KIAA1328: variants seen among roughly 807,000 people sequenced by gnomAD.
KIAA1328 encodes protein hinderin.
In KIAA1328, 52 loss-of-function variants were observed where a neutral mutation model predicts 68.1. The observed-to-expected ratio is 0.76, with a 90% CI of 0.61 to 0.96. The LOEUF (loss-of-function observed/expected upper bound fraction) is 0.96, where lower values mean the gene tolerates loss of function less well. Ranked by LOEUF, KIAA1328 falls within the 40% of genes least tolerant of loss-of-function variation. The pLI, the probability that KIAA1328 is intolerant of heterozygous loss-of-function variation, is 0.00. For missense variants in KIAA1328, 641 were observed against 677.6 expected (o/e 0.95, Z 0.60); for synonymous variants, 232 against 239.4 (o/e 0.97, Z 0.28).
intron 6 of KIAA1328, among the ~76,000 whole-genome samples, chr18:37,009,416 A>T (rs2053896581): frequency 6.6e-6 from 1 of 152,090 alleles, no homozygotes; most frequent in African/African-American, 2.4e-5. Flanking sequence ...GAGGGAGTGG[A>T]TATAGCAGGC....
At chr18:36,864,548 A>AT (rs1170013858) in intron 4 of KIAA1328, among the ~76,000 whole-genome samples, 1 of 135,306 alleles carries the variant, frequency 7.4e-6, no homozygotes, top group Non-Finnish European at 1.6e-5. Context: ...GTAGGATTTG[A>AT]TTTTCTATTA....
At chr18:37,009,719 G>A (rs1223736863) in intron 6 of KIAA1328, among the ~76,000 whole-genome samples, 1 of 152,140 alleles carries the variant, frequency 6.6e-6, no homozygotes, top group Non-Finnish European at 1.5e-5. Flanking sequence ...TGGAGATTGA[G>A]CAACGATTTT....
At chr18:36,876,359 A>G (rs1187261044) in intron 4 of KIAA1328, among the ~76,000 whole-genome samples, 1 of 151,984 alleles carries the variant, frequency 6.6e-6, no homozygotes, top group Non-Finnish European at 1.5e-5. Context: ...AGGACTTGCT[A>G]TTGGTCTGTT....
chr18:36,890,171 C>T (rs575474830), intron 5 of KIAA1328, among the ~76,000 whole-genome samples: 16 of 151,482 alleles, frequency 1.1e-4, no homozygotes, highest in Admixed American at 7.9e-4. Flanking sequence ...ATTTTAGAAA[C>T]TTTGCTCTTC....
chr18:36,893,658 A>T (rs949303923), intron 5 of KIAA1328, among the ~76,000 whole-genome samples: 2 of 152,076 alleles, frequency 1.3e-5, no homozygotes, highest in Non-Finnish European at 2.9e-5. Context: ...AAGCTGTCAT[A>T]TGGATAATAA....
At chr18:37,019,867 C>T (rs567493314) in intron 6 of KIAA1328, among the ~76,000 whole-genome samples, 1 of 152,248 alleles carries the variant, frequency 6.6e-6, no homozygotes, top group East Asian at 1.9e-4. Context: ...GCTGCTGAAA[C>T]AGATGAGTGG....
intron 7 of KIAA1328, among the ~76,000 whole-genome samples, chr18:37,093,254 A>G (rs1162905496): frequency 6.6e-6 from 1 of 152,252 alleles, no homozygotes; most frequent in African/African-American, 2.4e-5. Context: ...GCAAGGTAAC[A>G]TAACATCTTC....
chr18:37,218,092 G>T (rs188853041), intron 9 of KIAA1328, among the ~76,000 whole-genome samples: 1 of 152,168 alleles, frequency 6.6e-6, no homozygotes, highest in Non-Finnish European at 1.5e-5. Flanking sequence ...CTCTACAGAA[G>T]TAAAAACATG....
intron 9 of KIAA1328, among the ~76,000 whole-genome samples, chr18:37,187,411 T>G (rs186649862): frequency 1.3e-5 from 2 of 152,176 alleles, no homozygotes. Flanking sequence ...GAGCCAATAA[T>G]TAGAGTGAAA....
intron 6 of KIAA1328, among the ~76,000 whole-genome samples, chr18:37,005,552 A>G (rs1215943707): frequency 1.3e-5 from 2 of 152,264 alleles, no homozygotes; most frequent in Non-Finnish European, 2.9e-5. Context: ...GTGATTCCTC[A>G]TAAAACTAAA....
chr18:36,889,636 A>G (rs1185536931), intron 5 of KIAA1328, among the ~76,000 whole-genome samples: 3 of 152,204 alleles, frequency 2.0e-5, no homozygotes, highest in Non-Finnish European at 4.4e-5. Flanking sequence ...TATAATATGT[A>G]GATAACTAAA....
chr18:37,160,571 C>T (rs539132053), intron 8 of KIAA1328, among the ~76,000 whole-genome samples, 190 bp downstream of exon 8: 2 of 152,270 alleles, frequency 1.3e-5, no homozygotes, highest in East Asian at 1.9e-4. Context: ...TCTTAGAATA[C>T]TGGAATGAAA....
intron 5 of KIAA1328, among the ~76,000 whole-genome samples, chr18:36,952,369 A>T (rs946180012): frequency 6.6e-6 from 1 of 152,000 alleles, no homozygotes; most frequent in Non-Finnish European, 1.5e-5. Context: ...TGTTATCCTT[A>T]TTTGTTTAAA....
At chr18:36,979,167 A>C (rs1430349359) in intron 6 of KIAA1328, among the ~76,000 whole-genome samples, 1 of 149,954 alleles carries the variant, frequency 6.7e-6, no homozygotes, top group Non-Finnish European at 1.5e-5. Flanking sequence ...ATCTCTAAAA[A>C]TAATAAAATA....
intron 4 of KIAA1328, among the ~76,000 whole-genome samples, chr18:36,877,286 A>G (rs1224404141): frequency 1.3e-5 from 2 of 152,002 alleles, no homozygotes; most frequent in African/African-American, 4.8e-5. Context: ...AAAGTCTCCT[A>G]TTATTATTGT....
At chr18:36,844,493 A>G (rs1313290017) in intron 4 of KIAA1328, among the ~76,000 whole-genome samples, 191 bp downstream of exon 4, 1 of 151,970 alleles carries the variant, frequency 6.6e-6, no homozygotes, top group African/African-American at 2.4e-5. Flanking sequence ...AAAGCAAACT[A>G]CTTTCCAATT....
intron 6 of KIAA1328, among the ~76,000 whole-genome samples, chr18:36,979,802 A>G (rs1467001060): frequency 6.6e-6 from 1 of 152,202 alleles, no homozygotes; most frequent in African/African-American, 2.4e-5. Flanking sequence ...ACTCAAAGAA[A>G]GGAGAAGAGA....
At chr18:36,866,722 C>T (rs2047765305) in intron 4 of KIAA1328, among the ~76,000 whole-genome samples, 1 of 152,060 alleles carries the variant, frequency 6.6e-6, no homozygotes, top group South Asian at 2.1e-4. Context: ...TAGAGAATGA[C>T]TAGGAGGCTG....
At chr18:36,935,533 ATTTTGGCTTTTGTTTGG>A (rs1237800339) in intron 5 of KIAA1328, among the ~76,000 whole-genome samples, 2 of 151,788 alleles carry the variant, frequency 1.3e-5, no homozygotes, top group African/African-American at 4.8e-5. Context: ...ATGAGTGGGG[ATTTTGGCTTTTGTTTGG>A]TTTTGGCTTT....
Sources: allele counts gnomAD v4.1 joint callset (sites outside exome capture counted in the v4.1 genomes callset), GRCh38; gene constraint gnomAD v4.1.1; transcripts MANE v1.5; gene names NCBI Gene and HGNC (gene_info 2026-07-23, HGNC 2026-07-21).